NAP1L3: variants seen among roughly 807,000 people sequenced by gnomAD.
NAP1L3 encodes the protein nucleosome assembly protein 1 like 3.
For missense variants in NAP1L3, 378 were observed against 369.9 expected, an observed-to-expected ratio of 1.02 and a Z score of -0.18; for synonymous variants, 127 against 131.9, an observed-to-expected ratio of 0.96 and a Z score of 0.25.
rs1924416677 is a variant in NAP1L3, at chrX:93,672,873, A to G, written c.432T>C (p.Tyr144=). ...RKYAELNKPL[Y]DRRFQIINAE... ...CATTGATGATTTGAAACCGCCTATC[A>G]TACAGAGGCTTGTTGAGTTCAGCAT... is the stretch of plus-strand genomic sequence containing the variant. Residue 144 remains tyrosine (Y), a synonymous_variant, in exon 1 of 1, where the codon TAT becomes TAC. Coordinates refer to ENST00000373079, the MANE Select transcript of NAP1L3 (RefSeq NM_004538.6). 1 of 1,211,727 alleles carries G rather than the reference A, an allele frequency of 8.3e-7. No homozygotes were observed. Among genetic ancestry groups the G allele is most frequent in the Non-Finnish European group, 1.1e-6 (1 of 895,491 alleles).
chrX:93,672,975 C>A lies in NAP1L3; in HGVS notation c.330G>T (p.Ala110=), dbSNP rs139070318. The A allele has an allele frequency of 8.3e-7, 1 of 1,210,081 alleles. No individual in the cohort carries two copies. The highest frequency in any genetic ancestry group is 1.7e-5 in the African/African-American group (1 of 57,183). ...CACATTCATCTTGAATGTTTCTAAGCGCTTGCACACGATTTCTAACTGCCT... is the reference window on the plus strand; with the variant it reads ...CACATTCATCTTGAATGTTTCTAAGAGCTTGCACACGATTTCTAACTGCCT... ...LPQAVRNRVQ[A]LRNIQDECDK... is the part of the protein sequence containing the mutation. Residue 110 remains alanine, a synonymous_variant, in exon 1 of 1, where the codon GCG becomes GCT. Coordinates refer to ENST00000373079, the MANE Select transcript of NAP1L3 (RefSeq NM_004538.6).
Position 93,671,672 on chromosome X carries a change from T to C in NAP1L3, c.*112A>G. On this transcript the variant is annotated 3_prime_UTR_variant, in exon 1 of 1. Coordinates refer to ENST00000373079, the MANE Select transcript of NAP1L3 (RefSeq NM_004538.6). The stretch of plus-strand genomic sequence containing the variant: ...CCAAGAAACCACAAAAACTTGACTA[T>C]AAGGAATAATAGTGTTCAGGTTACA... 1 of 1,047,345 alleles carries C rather than the reference T, an allele frequency of 9.5e-7. No homozygotes were observed. The highest frequency in any genetic ancestry group is 1.2e-6 in the Non-Finnish European group (1 of 810,486). 86.3% of individuals were successfully genotyped at this position (1,047,345 alleles called of 1,213,427 possible).
chrX:93,673,318 A>T lies in NAP1L3; in HGVS notation c.-14T>A. On this transcript the variant is annotated 5_prime_UTR_variant, in exon 1 of 1. Transcript: ENST00000373079. ...TGCTTCTGCCATCTTGCAAGCCTAC[A>T]AACTCTACCAGGGAGACCGCGCGAC... 2 of 1,173,771 alleles carry T rather than the reference A, an allele frequency of 1.7e-6. No individual in the cohort carries two copies. Among genetic ancestry groups the T allele is most frequent in the South Asian group, 3.9e-5 (2 of 51,348 alleles).
chrX:93,673,118 TGCTGCTGCTGCC>T lies in NAP1L3; in HGVS notation c.175_186del (p.Gly59_Ser62del). 1 of 1,194,943 alleles carries T rather than the reference TGCTGCTGCTGCC, an allele frequency of 8.4e-7. No homozygotes were observed. The highest frequency in any genetic ancestry group is 1.1e-6 in the Non-Finnish European group (1 of 886,779). The stretch of plus-strand genomic sequence containing the variant: ...CGGCTGCTAGTGCTGCCGCTGCTGC[TGCTGCTGCTGCC>T]GCTGCCGCTGCTGCTGCCACTAGTG... On this transcript the variant is annotated inframe_deletion, in exon 1 of 1. Coordinates refer to ENST00000373079, the MANE Select transcript of NAP1L3 (RefSeq NM_004538.6).
Position 93,672,683 on chromosome X carries a change from C to T in NAP1L3, c.622G>A (p.Glu208Lys). The T allele has an allele frequency of 8.3e-7, 1 of 1,211,132 alleles. No individual in the cohort carries two copies. Among genetic ancestry groups the T allele is most frequent in the Non-Finnish European group, 1.1e-6 (1 of 895,511 alleles). The change falls in exon 1 of 1, where the codon GAA becomes AAA. Residue 208 changes from glutamate to lysine, a missense_variant. Coordinates refer to ENST00000373079, the MANE Select transcript of NAP1L3 (RefSeq NM_004538.6). ...ENPEVKAEEK[E>K]VPKEIPEVKD... ...ACCTCAGGAATTTCTTTAGGAACTT[C>T]CTTCTCTTCAGCTTTCACCTCTGGG... is the stretch of plus-strand genomic sequence containing the variant.
At position 93,671,392 on chromosome X, in the gene NAP1L3, C is replaced by T. The variant is rs1466657744; in HGVS notation, c.*392G>A. On this transcript the variant is annotated 3_prime_UTR_variant, in exon 1 of 1. Coordinates refer to ENST00000373079, the MANE Select transcript of NAP1L3 (RefSeq NM_004538.6). ...AAAAAAGAAAAAAATAAAACACTTG[C>T]ATTGGTACTTCATGAACTTTTTTTT... is the stretch of plus-strand genomic sequence containing the variant. 3 of 121,004 alleles carry T rather than the reference C, an allele frequency of 2.5e-5. No individual in the cohort carries two copies. Among genetic ancestry groups the T allele is most frequent in the Non-Finnish European group, 5.0e-5 (3 of 59,804 alleles). The allele number at this position is 121,004 out of a possible 1,213,427, so 10.0% of individuals were successfully genotyped here.
chrX:93,673,447 T>A lies in NAP1L3; in HGVS notation c.-143A>T, dbSNP rs778694008. On this transcript the variant is annotated 5_prime_UTR_variant, in exon 1 of 1. Transcript: ENST00000373079. The stretch of plus-strand genomic sequence containing the variant: ...TGGCAGCAGCGGCGCAGAGCGGAGC[T>A]GGAGCTGGGGATGCAGAGGCCGGCG... 8 of 997,340 alleles carry A rather than the reference T, an allele frequency of 8.0e-6. No homozygotes were observed. In the African/African-American group the frequency reaches 9.9e-5, roughly 12 times the overall value. The allele number at this position is 997,340 out of a possible 1,213,427, so 82.2% of individuals were successfully genotyped here.
chrX:93,672,127 C>A lies in NAP1L3; in HGVS notation c.1178G>T (p.Gly393Val). Residue 393 changes from glycine (G) to valine (V), a missense_variant, in exon 1 of 1, where the codon GGA becomes GTA. Gly to Val is a moderately radical substitution (Grantham distance 109). Transcript: ENST00000373079. ...GCCTTTGCAATCTTCAATTTCCCAT[C>A]CCCAAGAAAAGAAGGGATCATTGTG... ...PDHNDPFFSW[G>V]WEIEDCKGCK... 8.3e-7 allele frequency: 1 copy of A among 1,210,940 alleles called. No homozygotes were observed. Among genetic ancestry groups the A allele is most frequent in the Non-Finnish European group, 1.1e-6 (1 of 895,108 alleles).
rs1924371690 is a variant in NAP1L3 at position 93,671,991 on chromosome X, T to C, written c.1314A>G (p.Ser438=). The stretch of plus-strand genomic sequence containing the variant: ...CAGGAGGACTAAAGAAGTTGAAGAA[T>C]GATGCATTAGGAACCACTCTTGGCT... ...EIQPRVVPNA[S]FFNFFSPPEI... Residue 438 remains serine, a synonymous_variant, in exon 1 of 1, where the codon TCA becomes TCG. Transcript: ENST00000373079. 12 of 1,203,808 alleles carry C rather than the reference T, an allele frequency of 1.0e-5. No homozygotes were observed. Among genetic ancestry groups the C allele is most frequent in the Admixed American group, 2.2e-5 (1 of 45,095 alleles).
Position 93,671,765 on chromosome X carries a change from A to T in NAP1L3, c.*19T>A, listed in dbSNP as rs764658858. ...ACTTCTTGAGATTTTAAGATTCTTG[A>T]AAAATCTTTCAGATTGACTTATTTT... On this transcript the variant is annotated 3_prime_UTR_variant, in exon 1 of 1. Transcript: ENST00000373079. 1 of 1,172,167 alleles carries T rather than the reference A, an allele frequency of 8.5e-7. No individual in the cohort carries two copies. The highest frequency in any genetic ancestry group is 2.6e-5 in the Admixed American group (1 of 39,002).
In NAP1L3 at chrX:93,671,949, C is replaced by T. The variant is rs777262029; in HGVS notation, c.1356G>A (p.Gly452=). 9.9e-6 allele frequency: 12 copies of T among 1,208,118 alleles called. No individual in the cohort carries two copies. ...TAGCATCTTCTCGTGGTTCCAGCTT[C>T]CCAATCATAGGAATCTCAGGAGGAC... ...FFSPPEIPMI[G]KLEPREDAIL... is the part of the protein sequence containing the mutation. The change falls in exon 1 of 1, where the codon GGG becomes GGA. Residue 452 remains glycine (G), a synonymous_variant. Transcript: ENST00000373079.
Position 93,673,138 on chromosome X carries a change from C to CTGCTGCTGCCACTAG in NAP1L3, c.152_166dup (p.Thr51_Ser55dup). 8.3e-7 allele frequency: 1 copy of CTGCTGCTGCCACTAG among 1,208,905 alleles called. No homozygotes were observed. The highest frequency in any genetic ancestry group is 1.8e-5 in the South Asian group (1 of 56,877). ...GCTGCTGCTGCTGCTGCCGCTGCCG[C>CTGCTGCTGCCACTAG]TGCTGCTGCCACTAGTGCTGCTGCT... is the stretch of plus-strand genomic sequence containing the variant. On this transcript the variant is annotated inframe_insertion, in exon 1 of 1. Coordinates refer to ENST00000373079, the MANE Select transcript of NAP1L3 (RefSeq NM_004538.6).
rs1388413238 is a variant in NAP1L3 at position 93,671,751 on chromosome X, T to A, written c.*33A>T. ...TATGAATCTGCTTCACTTCTTGAGA[T>A]TTTAAGATTCTTGAAAAATCTTTCA... is the stretch of plus-strand genomic sequence containing the variant. On this transcript the variant is annotated 3_prime_UTR_variant, in exon 1 of 1. Transcript: ENST00000373079. 2 of 1,163,002 alleles carry A rather than the reference T, an allele frequency of 1.7e-6. No homozygotes were observed. Among genetic ancestry groups the A allele is most frequent in the South Asian group, 4.1e-5 (2 of 48,254 alleles).
rs1040786721 is a variant in NAP1L3 at position 93,673,548 on chromosome X, C to T, written c.-244G>A. 15 of 396,686 alleles carry T rather than the reference C, an allele frequency of 3.8e-5. No individual in the cohort carries two copies. Among genetic ancestry groups the T allele is most frequent in the South Asian group, 6.9e-5 (1 of 14,532 alleles). 32.7% of individuals were successfully genotyped at this position (396,686 alleles called of 1,213,427 possible). On this transcript the variant is annotated 5_prime_UTR_variant, in exon 1 of 1. Transcript: ENST00000373079. ...CCTCTCCCGGCTGCAGCTAGAGTGC[C>T]GAGATGTACCGCAGCCGAATGGCGC... is the stretch of plus-strand genomic sequence containing the variant.
chrX:93,671,848 C>A lies in NAP1L3; in HGVS notation c.1457G>T (p.Gly486Val). 1 of 1,210,751 alleles carries A rather than the reference C, an allele frequency of 8.3e-7. No homozygotes were observed. Among genetic ancestry groups the A allele is most frequent in the South Asian group, 1.8e-5 (1 of 56,839 alleles). Residue 486 changes from glycine (G) to valine (V), a missense_variant, in exon 1 of 1, where the codon GGA (glycine) becomes GTA (valine). Coordinates refer to ENST00000373079, the MANE Select transcript of NAP1L3 (RefSeq NM_004538.6). ...VILKSIYYYT[G>V]EVNGTYYQFG... ...TTGATAGTAGGTACCATTGACTTCT[C>A]CAGTATAGTAATAGATTGATTTCAG...
In NAP1L3 at chrX:93,673,139, T is replaced by C; in HGVS notation, c.166A>G (p.Ser56Gly). Residue 56 changes from serine to glycine, a missense_variant, in exon 1 of 1, where the codon AGC (serine) becomes GGC (glycine). Transcript: ENST00000373079. ...CTGCTGCTGCTGCTGCCGCTGCCGCTGCTGCTGCCACTAGTGCTGCTGCTG... is the reference window on the plus strand; with the variant it reads ...CTGCTGCTGCTGCTGCCGCTGCCGCCGCTGCTGCCACTAGTGCTGCTGCTG... ...SSSSSTSGSS[S>G]GSGSSSSSSG... 8.3e-7 allele frequency: 1 copy of C among 1,208,941 alleles called. No homozygotes were observed. The highest frequency in any genetic ancestry group is 1.1e-6 in the Non-Finnish European group (1 of 894,467).
rs996209189 is a variant in NAP1L3 at position 93,673,042 on chromosome X, C to A, written c.263G>T (p.Arg88Leu). The A allele has an allele frequency of 3.3e-6, 4 of 1,209,798 alleles. No individual in the cohort carries two copies. Among genetic ancestry groups the A allele is most frequent in the Non-Finnish European group, 4.5e-6 (4 of 895,271 alleles). Residue 88 changes from arginine (R) to leucine (L), a missense_variant, in exon 1 of 1, where the codon CGG (arginine) becomes CTG (leucine). Arg to Leu is a moderately radical substitution (Grantham distance 102). Transcript: ENST00000373079. ...GAAATTTGTTCCCAACGGGGCCCGC[C>A]GCGCCCTTCTGGAAGGCTCAGGTAC... Reference protein sequence around the residue: ...KRVPEPSRRARRAPLGTNFVD... With the variant: ...KRVPEPSRRALRAPLGTNFVD...
In NAP1L3 at chrX:93,672,778, T is replaced by C. The variant is rs1486486702; in HGVS notation, c.527A>G (p.Glu176Gly). ...TTCACTAGGGGTGTTATCCTGCACC[T>C]CCTCATCACTGCTGAACTCCTCATC... ...SEDEEFSSDE[E>G]VQDNTPSEMP... Residue 176 changes from glutamate (E) to glycine (G), a missense_variant, in exon 1 of 1, where the codon GAG becomes GGG. By Grantham distance (98) the Glu-to-Gly change is moderately conservative. Coordinates refer to ENST00000373079, the MANE Select transcript of NAP1L3 (RefSeq NM_004538.6). The C allele has an allele frequency of 8.3e-7, 1 of 1,208,994 alleles. No individual in the cohort carries two copies. Among genetic ancestry groups the C allele is most frequent in the African/African-American group, 1.8e-5 (1 of 56,902 alleles).
In NAP1L3 at chrX:93,673,467, C is replaced by T. The variant is rs1259277409; in HGVS notation, c.-163G>A. ...GGAGCTGGAGCTGGGGATGCAGAGG[C>T]CGGCGCTGAGGTGGCAGCGGCAGTG... On this transcript the variant is annotated 5_prime_UTR_variant, in exon 1 of 1. Transcript: ENST00000373079. The T allele has an allele frequency of 1.1e-6, 1 of 895,984 alleles. No individual in the cohort carries two copies. The highest frequency in any genetic ancestry group is 1.5e-6 in the Non-Finnish European group (1 of 669,138). 73.8% of individuals were successfully genotyped at this position (895,984 alleles called of 1,213,427 possible).
Sources: allele counts gnomAD v4.1 joint callset, GRCh38; gene constraint gnomAD v4.1.1; transcripts MANE v1.5; gene names NCBI Gene and HGNC (gene_info 2026-07-23, HGNC 2026-07-21).